The following ADARB2 variants were observed in gnomAD, a reference collection of about 807,000 sequenced individuals.
The protein encoded by ADARB2 is adenosine deaminase RNA specific B2 (inactive), also known as inactive double-stranded RNA-specific editase B2.
A neutral mutation model predicts 62.2 loss-of-function variants in ADARB2; 25 were observed. The ratio of observed to expected loss-of-function variants is 0.40; its 90% CI spans 0.29 to 0.56. The LOEUF (loss-of-function observed/expected upper bound fraction) is 0.56. ADARB2 is among the 20% of genes least tolerant of loss of function. The probability of loss-of-function intolerance (pLI) is 0.43; values close to 1 mark genes in which losing one functional copy is unlikely to be tolerated. For synonymous variants in ADARB2, 572 were observed against 500.8 expected (o/e 1.14, Z -1.90); for missense variants, 1,071 against 1,077.4 (o/e 0.99, Z 0.08).
At chr10:1,381,209 A>T (rs1832480197) in intron 1 of ADARB2, among the ~76,000 whole-genome samples, 1 of 152,108 alleles carries the variant, frequency 6.6e-6, no homozygotes, top group Non-Finnish European at 1.5e-5. Flanking sequence ...TATACTTAAA[A>T]ACCTTATTCA....
At chr10:1,683,543 G>A (rs1219215884) in intron 1 of ADARB2, among the ~76,000 whole-genome samples, 1 of 152,180 alleles carries the variant, frequency 6.6e-6, no homozygotes, top group Admixed American at 6.5e-5. Context: ...AGGGAGTGGA[G>A]TCTGTTTGCC....
chr10:1,406,106 A>G (rs1001242946), intron 1 of ADARB2, among the ~76,000 whole-genome samples: 1 of 152,324 alleles, frequency 6.6e-6, no homozygotes, highest in South Asian at 2.1e-4. Flanking sequence ...GACTTGGGCT[A>G]TGTGTTATTC....
intron 3 of ADARB2, among the ~76,000 whole-genome samples, chr10:1,275,147 C>T (rs756676882): frequency 1.3e-5 from 2 of 152,196 alleles, no homozygotes; most frequent in African/African-American, 2.4e-5. Flanking sequence ...TTGGTTTGGG[C>T]CTCAGCATTT....
At chr10:1,206,684 C>A (rs189899900) in intron 7 of ADARB2, among the ~76,000 whole-genome samples, 74 of 152,332 alleles carry the variant, frequency 4.9e-4, no homozygotes, top group Admixed American at 1.2e-3. Flanking sequence ...GACTCAGGTA[C>A]CTCAGCCCTG....
At chr10:1,234,600 G>A (rs112563628) in intron 5 of ADARB2, among the ~76,000 whole-genome samples, 61 of 150,638 alleles carry the variant, frequency 4.0e-4, no homozygotes, top group South Asian at 1.5e-3. Context: ...ACCACCATGC[G>A]AGGCTAATTT....
At chr10:1,657,001 TTGTGTGTGTGTG>T (rs58944098) in intron 1 of ADARB2, among the ~76,000 whole-genome samples, 3 of 148,712 alleles carry the variant, frequency 2.0e-5, no homozygotes, top group East Asian at 2.0e-4. Context: ...ATCTAGTGTT[TTGTGTGTGTGTG>T]TGTGTGTGTG....
At chr10:1,550,836 A>T (rs2813355) in intron 1 of ADARB2, among the ~76,000 whole-genome samples, 18 of 151,804 alleles carry the variant, frequency 1.2e-4, no homozygotes, top group African/African-American at 4.4e-4. Flanking sequence ...GTCTCCGCCT[A>T]ACGGTCCCCG....
At chr10:1,475,173 CCCGGGGCAGGAGGGG>C (rs1831382576) in intron 1 of ADARB2, among the ~76,000 whole-genome samples, 1 of 152,168 alleles carries the variant, frequency 6.6e-6, no homozygotes, top group African/African-American at 2.4e-5. Context: ...CAGGAGCCCC[CCCGGGGCAGGAGGGG>C]CCTCTTCCTC....
intron 3 of ADARB2, among the ~76,000 whole-genome samples, chr10:1,353,652 C>G (rs969373457): frequency 6.6e-6 from 1 of 151,648 alleles, no homozygotes; most frequent in Admixed American, 6.6e-5. Context: ...GTGGCCACTC[C>G]GTTATGTATC....
At chr10:1,606,322 G>T (rs191632763) in intron 1 of ADARB2, among the ~76,000 whole-genome samples, 8 of 151,694 alleles carry the variant, frequency 5.3e-5, no homozygotes. Context: ...ACCTGAGCGG[G>T]GGGGAGCATC....
rs542174567 is a variant in ADARB2 at position 1,578,814 on chromosome 10, C to T, written c.100+158237G>A. On this transcript the variant is annotated intron_variant, in intron 1 of 9. Transcript: ENST00000381312. ...TGTCCCCCCCATATATGCACACACA[C>T]GCATATACACACACCTACAAACACC... Among the ~76,000 whole-genome samples, 56 of 152,290 alleles carry T rather than the reference C, an allele frequency of 3.7e-4. 1 individual carries two copies. Among genetic ancestry groups the T allele is most frequent in the South Asian group, 1.5e-3 (7 of 4,820 alleles).
At chr10:1,368,977 A>G (rs913489181) in intron 2 of ADARB2, among the ~76,000 whole-genome samples, 8 of 121,462 alleles carry the variant, frequency 6.6e-5, no homozygotes, top group Admixed American at 2.4e-4. Context: ...GTCCTAGGGG[A>G]GTGGCGCTCT....
chr10:1,689,499 C>G (rs1834641624), intron 1 of ADARB2, among the ~76,000 whole-genome samples: 1 of 152,214 alleles, frequency 6.6e-6, no homozygotes, highest in South Asian at 2.1e-4. Flanking sequence ...GGGTTCTTTA[C>G]ACACATAGGG....
chr10:1,297,503 T>G (rs1475532636), intron 3 of ADARB2, among the ~76,000 whole-genome samples: 1 of 152,086 alleles, frequency 6.6e-6, no homozygotes, highest in Non-Finnish European at 1.5e-5. Context: ...GGCCTTGTGG[T>G]TATAAGACCA....
chr10:1,495,713 A>T (rs187386434), intron 1 of ADARB2, among the ~76,000 whole-genome samples: 3,345 of 150,042 alleles, frequency 0.022, 64 homozygotes, highest in Non-Finnish European at 0.036. Flanking sequence ...ACTTATTAAT[A>T]TAATCATCAC....
chr10:1,182,204 T>C lies in ADARB2; in HGVS notation c.*989A>G, dbSNP rs1248626954. 3.3e-5 allele frequency: 5 copies of C among 152,260 alleles called. No individual in the cohort carries two copies. The East Asian group carries it at 9.6e-4, about 29-fold the overall frequency. 9.4% of individuals were successfully genotyped at this position (152,260 alleles called of 1,614,324 possible). On this transcript the variant is annotated 3_prime_UTR_variant, in exon 10 of 10. Transcript: ENST00000381312. ...GAAAATTTAGTTAAAAAATCAGAAT[T>C]TGATCAAAGACTTGGTCTCCTTATT...
chr10:1,200,119 G>A lies in ADARB2; in HGVS notation c.1711C>T (p.Leu571Phe), dbSNP rs1589149446. Residue 571 changes from leucine to phenylalanine, a missense_variant, in exon 8 of 10, where the codon CTC (leucine) becomes TTC (phenylalanine). Leu to Phe is a conservative substitution (Grantham distance 22). Coordinates refer to ENST00000381312, the MANE Select transcript of ADARB2 (RefSeq NM_018702.4). Reference protein sequence around the residue: ...RWNVLGLQGALLSHFVEPVYL... With the variant: ...RWNVLGLQGAFLSHFVEPVYL... ...ACGGGCTCCACGAAGTGGGACAGGA[G>A]CGCGCCCTGCAGCCCCAGGACGTTC... is the stretch of plus-strand genomic sequence containing the variant. The A allele has an allele frequency of 6.4e-7, 1 of 1,552,522 alleles. No homozygotes were observed. The highest frequency in any genetic ancestry group is 8.7e-7 in the Non-Finnish European group (1 of 1,148,720).
At chr10:1,441,807 G>A (rs1020075597) in intron 1 of ADARB2, among the ~76,000 whole-genome samples, 50 of 152,172 alleles carry the variant, frequency 3.3e-4, no homozygotes, top group African/African-American at 1.1e-3. Context: ...TGTATTTTAC[G>A]CAGATGAGGG....
At chr10:1,693,342 G>C (rs1358419173) in intron 1 of ADARB2, among the ~76,000 whole-genome samples, 1 of 152,170 alleles carries the variant, frequency 6.6e-6, no homozygotes, top group African/African-American at 2.4e-5. Context: ...CTAGGCTGTT[G>C]TGTGATGGTC....
Sources: allele counts gnomAD v4.1 joint callset (sites outside exome capture counted in the v4.1 genomes callset), GRCh38; gene constraint gnomAD v4.1.1; transcripts MANE v1.5; gene names NCBI Gene and HGNC (gene_info 2026-07-23, HGNC 2026-07-21).